The following NOL8 variants were observed in gnomAD, a reference collection of about 807,000 sequenced individuals.
NOL8 encodes nucleolar protein Nop132.
A neutral mutation model predicts 116.1 loss-of-function variants in NOL8; 93 were observed. The ratio of observed to expected loss-of-function variants is 0.80; its 90% CI spans 0.68 to 0.95. NOL8 has a LOEUF of 0.95. Among genes scored for constraint, NOL8 ranks in the 40% least tolerant of loss-of-function variants. The pLI is 0.00. For synonymous variants in NOL8, 419 were observed against 469.0 expected (o/e 0.89, Z 1.38); for missense variants, 1,291 against 1,382.8 (o/e 0.93, Z 1.05).
At chr9:92,316,738 A>G (rs1839447392) in intron 6 of NOL8, among the ~76,000 whole-genome samples, 1 of 152,136 alleles carries the variant, frequency 6.6e-6, no homozygotes, top group Non-Finnish European at 1.5e-5. Context: ...GGCCGATTAC[A>G]TGAGCCCAGG....
At chr9:92,300,288 A>C in intron 13 of NOL8, 5 of 1,016,598 alleles carry the variant, frequency 4.9e-6, no homozygotes, top group African/African-American at 1.7e-5. Context: ...AAAGGTTTAT[A>C]AATGAGCTAT....
rs1445282317 is a variant in NOL8 at position 92,321,742 on chromosome 9, CATACCT to C, written c.203-2_206del. On this transcript the variant is annotated splice_acceptor_variant and coding_sequence_variant, in exon 4 of 17. Transcript: ENST00000442668. LOFTEE classifies it high-confidence loss of function. ...TCCATTTTGTTTTATTTAAAACAGA[CATACCT>C]ATAAAGTAAAGAATTATTACAAGTA... 13 of 1,395,486 alleles carry C rather than the reference CATACCT, an allele frequency of 9.3e-6. No homozygotes were observed. Among genetic ancestry groups the C allele is most frequent in the Admixed American group, 2.5e-5 (1 of 40,660 alleles). The allele number at this position is 1,395,486 out of a possible 1,614,324, so 86.4% of individuals were successfully genotyped here.
chr9:92,319,833 G>A (rs1314428359), intron 4 of NOL8: 1 of 351,226 alleles, frequency 2.8e-6, no homozygotes, highest in Non-Finnish European at 5.6e-6. Context: ...TTGGACAGCA[G>A]TGACAAGCTG....
chr9:92,323,538 TATTTA>T (rs768044268), intron 2 of NOL8, 35 bp from the exon 3 acceptor site: 1 of 1,534,436 alleles, frequency 6.5e-7, no homozygotes, highest in Non-Finnish European at 8.8e-7. Context: ...CAAAACAATT[TATTTA>T]AATTCTTATC....
chr9:92,300,663 A>G (rs116061281), intron 13 of NOL8: 54,570 of 1,055,026 alleles, frequency 0.052, 1,617 homozygotes, highest in South Asian at 0.075. Flanking sequence ...CAGTTTATAT[A>G]GACAAGAAAA....
intron 12 of NOL8, among the ~76,000 whole-genome samples, chr9:92,304,272 A>G (rs1487925566): frequency 2.6e-5 from 4 of 152,226 alleles, no homozygotes; most frequent in Non-Finnish European, 5.9e-5. Flanking sequence ...CAGAGTTACT[A>G]TGGACATGTG....
At position 92,306,977 on chromosome 9, in the gene NOL8, TTTCTTCAGCAAGCTC is replaced by T; in HGVS notation, c.2719_2733del (p.Glu907_Glu911del). 2 of 1,613,214 alleles carry T rather than the reference TTTCTTCAGCAAGCTC, an allele frequency of 1.2e-6. No homozygotes were observed. Among genetic ancestry groups the T allele is most frequent in the Non-Finnish European group, 1.7e-6 (2 of 1,179,740 alleles). On this transcript the variant is annotated inframe_deletion, in exon 11 of 17. Transcript: ENST00000442668. ...TGTACAACATTCAGGGCTTTCTTTTTTTCTTCAGCAAGCTCTTCTTCCTCAGCAGTTTTCTTTTCA... is the reference window on the plus strand; with the variant it reads ...TGTACAACATTCAGGGCTTTCTTTTTTTCTTCCTCAGCAGTTTTCTTTTCA...
Position 92,297,733 on chromosome 9 carries a change from C to G in NOL8, c.*103G>C. The G allele has an allele frequency of 1.2e-6, 1 of 830,440 alleles. No homozygotes were observed. Among genetic ancestry groups the G allele is most frequent in the Non-Finnish European group, 1.8e-6 (1 of 541,908 alleles). 51.4% of individuals were successfully genotyped at this position (830,440 alleles called of 1,614,324 possible). ...TTCCGTCAGCCAGATTTTTAAAATT[C>G]CTTCACTCTGAAATTTCTTCTTTGT... On this transcript the variant is annotated 3_prime_UTR_variant, in exon 17 of 17. Coordinates refer to ENST00000442668, the MANE Select transcript of NOL8 (RefSeq NM_017948.6).
chr9:92,319,040 G>T, intron 5 of NOL8, 181 bp downstream of exon 5: 1 of 588,524 alleles, frequency 1.7e-6, no homozygotes, highest in Non-Finnish European at 2.7e-6. Context: ...AAATGATGGA[G>T]AACTATGCTT....
intron 4 of NOL8, 110 bp downstream of exon 4, chr9:92,321,558 T>C: frequency 1.5e-6 from 1 of 671,958 alleles, no homozygotes; most frequent in South Asian, 2.0e-5. Context: ...CTTATATGTT[T>C]GAATTTGTTA....
chr9:92,323,084 T>G, intron 3 of NOL8: 1 of 239,666 alleles, frequency 4.2e-6, no homozygotes, highest in South Asian at 6.9e-5. Context: ...CCCTCAAGAG[T>G]GTTTAGTGAC....
chr9:92,315,146 T>A lies in NOL8; in HGVS notation c.1479A>T (p.Gln493His), dbSNP rs372465361. Residue 493 changes from glutamine to histidine, a missense_variant, in exon 7 of 17, where the codon CAA becomes CAT. Transcript: ENST00000442668. ...RVNLTLADLE[Q>H]LAGSDLKVPN... ...GAACCTTCAGATCACTGCCAGCCAA[T>A]TGTTCCAAATCAGCTAAAGTGAGAT... 56 of 1,613,868 alleles carry A rather than the reference T, an allele frequency of 3.5e-5. No individual in the cohort carries two copies. In the Admixed American group the frequency reaches 8.8e-4, roughly 25 times the overall value.
intron 14 of NOL8, 53 bp downstream of exon 14, chr9:92,299,837 A>G: frequency 6.3e-7 from 1 of 1,583,758 alleles, no homozygotes. Context: ...AAGTATGTCT[A>G]ATTCAGATTT....
chr9:92,310,134 G>T, intron 10 of NOL8, 37 bp downstream of exon 10: 4 of 1,449,866 alleles, frequency 2.8e-6, no homozygotes, highest in Non-Finnish European at 3.8e-6. Flanking sequence ...AGTGTCCCCA[G>T]ATATGACATC....
At chr9:92,312,827 C>CAAAAAAAAAAAAAAAAAAAAA (rs35089570) in intron 7 of NOL8, among the ~76,000 whole-genome samples, 1 of 55,464 alleles carries the variant, frequency 1.8e-5, no homozygotes, top group Non-Finnish European at 3.4e-5. Flanking sequence ...AACTCCATCT[C>CAAAAAAAAAAAAAAAAAAAAA]AAAAAAAAAA....
At position 92,298,354 on chromosome 9, in the gene NOL8, A is replaced by G; in HGVS notation, c.3374-18T>C. 6.5e-7 allele frequency: 1 copy of G among 1,542,036 alleles called. No individual in the cohort carries two copies. The highest frequency in any genetic ancestry group is 8.8e-7 in the Non-Finnish European group (1 of 1,130,280). ...GTCAGAACCTATTAGGGGAAAAAGAAGAAAGATGAGGCAGCAAACTACTAC... is the reference window on the plus strand; with the variant it reads ...GTCAGAACCTATTAGGGGAAAAAGAGGAAAGATGAGGCAGCAAACTACTAC... On this transcript the variant is annotated intron_variant, in intron 15 of 16. Coordinates refer to ENST00000442668, the MANE Select transcript of NOL8 (RefSeq NM_017948.6).
At chr9:92,313,275 C>A (rs1839019262) in intron 7 of NOL8, among the ~76,000 whole-genome samples, 1 of 152,182 alleles carries the variant, frequency 6.6e-6, no homozygotes, top group Non-Finnish European at 1.5e-5. Flanking sequence ...TCCTTGGTTA[C>A]AGACGGAGCC....
At position 92,315,530 on chromosome 9, in the gene NOL8, A is replaced by G; in HGVS notation, c.1095T>C (p.Ser365=). The G allele has an allele frequency of 6.2e-7, 1 of 1,611,622 alleles. No homozygotes were observed. The highest frequency in any genetic ancestry group is 8.5e-7 in the Non-Finnish European group (1 of 1,179,010). ...GATCATTTCTCATAATATCATCATCACTATCATGGCAAGAGACACGATTTT... is the reference window on the plus strand; with the variant it reads ...GATCATTTCTCATAATATCATCATCGCTATCATGGCAAGAGACACGATTTT... ...GIKNRVSCHD[S]DDDIMRNDRE... Residue 365 remains serine (S), a synonymous_variant, in exon 7 of 17, where the codon AGT becomes AGC. Transcript: ENST00000442668.
chr9:92,319,293 G>T lies in NOL8; in HGVS notation c.345C>A (p.Asn115Lys). 6.3e-7 allele frequency: 1 copy of T among 1,597,392 alleles called. No homozygotes were observed. The highest frequency in any genetic ancestry group is 8.5e-7 in the Non-Finnish European group (1 of 1,173,488). Residue 115 changes from asparagine to lysine, a missense_variant, in exon 5 of 17, where the codon AAC (asparagine) becomes AAA (lysine). Coordinates refer to ENST00000442668, the MANE Select transcript of NOL8 (RefSeq NM_017948.6). ...CCACTCCTCCTGTCTTTTCTAACAA[G>T]TTGGCGTTACCTGTTGTTGATTCTT... ...KKEESTTGNA[N>K]LLEKTGGVDF...
Sources: gnomAD v4.1 joint callset for allele counts (sites outside exome capture counted in the v4.1 genomes callset) on GRCh38, gnomAD v4.1.1 for gene constraint, MANE v1.5 for transcripts, NCBI Gene and HGNC (gene_info 2026-07-23, HGNC 2026-07-21) for gene names.